The following SLC25A10 variants were observed in gnomAD, a reference collection of about 807,000 sequenced individuals.
SLC25A10 encodes the protein mitochondrial dicarboxylate carrier.
A neutral mutation model predicts 40.4 loss-of-function variants in SLC25A10; 32 were observed. The ratio of observed to expected loss-of-function variants is 0.79; its 90% confidence interval spans 0.60 to 1.06. The LOEUF (loss-of-function observed/expected upper bound fraction) is 1.06, where lower values mean the gene tolerates loss of function less well. SLC25A10 is among the 50% of genes least tolerant of loss of function. The pLI is 0.00. For synonymous variants in SLC25A10, 181 were observed against 171.1 expected, an observed-to-expected ratio of 1.06 and a Z score of -0.45; for missense variants, 394 against 402.6, an observed-to-expected ratio of 0.98 and a Z score of 0.18.
At position 81,715,704 on chromosome 17, in the gene SLC25A10, G is replaced by A; in HGVS notation, c.340G>A (p.Gly114Ser). The A allele has an allele frequency of 6.2e-7, 1 of 1,613,384 alleles. No individual in the cohort carries two copies. The highest frequency in any genetic ancestry group is 8.5e-7 in the Non-Finnish European group (1 of 1,179,944). The change falls in exon 4 of 11, where the codon GGC becomes AGC. Residue 114 changes from glycine (G) to serine (S), a missense_variant. Coordinates refer to ENST00000350690, the MANE Select transcript of SLC25A10 (RefSeq NM_012140.5). ...TTGTGTCACCGCAGGTTTAGCTGGA[G>A]GCTTCGTGGGGACGCCCGCAGACTT... ...LLGSVSGLAGGFVGTPADLVN... is the reference protein window; with the variant it reads ...LLGSVSGLAGSFVGTPADLVN...
At chr17:81,718,726 G>A (rs1032204341) in intron 9 of SLC25A10, among the ~76,000 whole-genome samples, 1 of 151,244 alleles carries the variant, frequency 6.6e-6, no homozygotes, top group Non-Finnish European at 1.5e-5. Context: ...AAGGCGGGCA[G>A]ATCACAAGTC....
intron 5 of SLC25A10, among the ~76,000 whole-genome samples, chr17:81,716,500 T>C (rs1440171825): frequency 3.9e-5 from 6 of 152,102 alleles, no homozygotes; most frequent in Non-Finnish European, 7.4e-5. Context: ...AGTTCTGGCT[T>C]CTAGCTGTGC....
At position 81,720,217 on chromosome 17, in the gene SLC25A10, C is replaced by G. The variant is rs537250787; in HGVS notation, c.*140C>G. 6.8e-7 allele frequency: 1 copy of G among 1,464,406 alleles called. No homozygotes were observed. The highest frequency in any genetic ancestry group is 1.4e-5 in the African/African-American group (1 of 70,470). The allele number at this position is 1,464,406 out of a possible 1,614,324, so 90.7% of individuals were successfully genotyped here. A position where few individuals can be genotyped will look rare whatever the true frequency, so the allele number is the denominator to read the frequency against. ...TCCGCAGCAGGCCCCTGCTGTCCCC[C>G]CACCTGCTGGCTGAGCTCCTCCTGG... On this transcript the variant is annotated 3_prime_UTR_variant, in exon 11 of 11. Transcript: ENST00000350690.
At position 81,714,986 on chromosome 17, in the gene SLC25A10, C is replaced by T. The variant is rs865843296; in HGVS notation, c.127C>T (p.Arg43Cys). Residue 43 changes from arginine to cysteine, a missense_variant, in exon 2 of 11, where the codon CGC becomes TGC. By Grantham distance (180) the Arg-to-Cys change is radical. Coordinates refer to ENST00000350690, the MANE Select transcript of SLC25A10 (RefSeq NM_012140.5). Reference protein sequence around the residue: ...HLQTQQEVKLRMTGMALRVVR... With the variant: ...HLQTQQEVKLCMTGMALRVVR... ...GCAGACGCAGCAGGAGGTGAAGCTG[C>T]GCATGACGGGCATGGCGCTGCGGGT... is the stretch of plus-strand genomic sequence containing the variant. The T allele has an allele frequency of 6.2e-7, 1 of 1,609,526 alleles. No homozygotes were observed.
At chr17:81,717,172 C>A in intron 7 of SLC25A10, 100 bp downstream of exon 7, 1 of 1,346,752 alleles carries the variant, frequency 7.4e-7, no homozygotes, top group Non-Finnish European at 1.0e-6. Flanking sequence ...CAAAACCCTC[C>A]TGGGGAGCCA....
chr17:81,717,596 T>C lies in SLC25A10; in HGVS notation c.627+105T>C, dbSNP rs1396503278. 6.4e-6 allele frequency: 9 copies of C among 1,397,138 alleles called. No individual in the cohort carries two copies. In the African/African-American group the frequency reaches 1.3e-4, roughly 20 times the overall value. The allele number at this position is 1,397,138 out of a possible 1,614,324, so 86.5% of individuals were successfully genotyped here. A position where few individuals can be genotyped will look rare whatever the true frequency, so the allele number is the denominator to read the frequency against. The stretch of plus-strand genomic sequence containing the variant: ...GGGGGAGGCGGGGGCCTTGGGCATC[T>C]GGCAGTGCCCCCTGGGGCTCATAAG... On this transcript the variant is annotated intron_variant, in intron 8 of 10. Transcript: ENST00000350690.
chr17:81,717,212 G>C, intron 7 of SLC25A10, 140 bp downstream of exon 7: 1 of 1,092,320 alleles, frequency 9.2e-7, no homozygotes, highest in East Asian at 2.5e-5. Context: ...GCAGGGTGGG[G>C]GGCACGGGTG....
At chr17:81,715,663 G>A (rs772757177) in intron 3 of SLC25A10, 30 bp from the exon 4 acceptor site, 63 of 1,613,184 alleles carry the variant, frequency 3.9e-5, no homozygotes, top group Non-Finnish European at 5.1e-5. Flanking sequence ...GTGTCAGCAC[G>A]GCTCATCTCT....
At position 81,712,436 on chromosome 17, in the gene SLC25A10, G is replaced by A; in HGVS notation, c.10G>A (p.Glu4Lys). The A allele has an allele frequency of 2.3e-6, 3 of 1,305,090 alleles. No homozygotes were observed. Among genetic ancestry groups the A allele is most frequent in the Non-Finnish European group, 2.9e-6 (3 of 1,028,436 alleles). 80.8% of individuals were successfully genotyped at this position (1,305,090 alleles called of 1,614,324 possible). The part of the protein sequence containing the change: MAA[E>K]ARVSRWYFGG... ...TGGGCTCTCCTGGGCCATGGCAGCC[G>A]AGGCGCGCGTGTCGCGCTGGTACTT... The change falls in exon 1 of 11, where the codon GAG becomes AAG. Residue 4 changes from glutamate to lysine, a missense_variant. Coordinates refer to ENST00000350690, the MANE Select transcript of SLC25A10 (RefSeq NM_012140.5).
chr17:81,718,904 G>A (rs375860016), intron 9 of SLC25A10, among the ~76,000 whole-genome samples: 2 of 151,306 alleles, frequency 1.3e-5, no homozygotes, highest in South Asian at 2.1e-4. Context: ...AGCCGAGATT[G>A]CACCACTGCA....
chr17:81,713,177 C>G (rs1459572418), intron 1 of SLC25A10: 1 of 151,520 alleles, frequency 6.6e-6, no homozygotes, highest in African/African-American at 2.4e-5. Context: ...TTTCTCAGCA[C>G]GAGAAGCAGC....
chr17:81,717,701 G>A, intron 8 of SLC25A10, 83 bp from the exon 9 acceptor site: 2 of 1,505,148 alleles, frequency 1.3e-6, no homozygotes, highest in Middle Eastern at 2.2e-4. Context: ...TAGGAGTCAG[G>A]TGGAGGTTCT....
intron 1 of SLC25A10, chr17:81,713,306 G>C (rs1327546872): frequency 4.2e-6 from 1 of 238,948 alleles, no homozygotes; most frequent in Non-Finnish European, 6.8e-6. Context: ...TTGCCACAGA[G>C]AACAAAGAAG....
chr17:81,715,770 G>A, intron 4 of SLC25A10, 29 bp downstream of exon 4: 2 of 1,612,802 alleles, frequency 1.2e-6, no homozygotes, highest in Middle Eastern at 1.6e-4. Flanking sequence ...CACCTGCAAG[G>A]CCAGGGGCTT....
chr17:81,718,355 T>G (rs953602484), intron 9 of SLC25A10, among the ~76,000 whole-genome samples: 1 of 151,696 alleles, frequency 6.6e-6, no homozygotes, highest in African/African-American at 2.4e-5. Context: ...TGTGGTGGCG[T>G]GCGCCTGTAA....
At position 81,720,181 on chromosome 17, in the gene SLC25A10, G is replaced by A. The variant is rs1439621620; in HGVS notation, c.*104G>A. Reference sequence around the variant, plus strand: ...TGGGGCCACGACCTCCCTGGCCGTGGCCACCCGTCCTCCGCAGCAGGCCCC... The same window carrying A: ...TGGGGCCACGACCTCCCTGGCCGTGACCACCCGTCCTCCGCAGCAGGCCCC... On this transcript the variant is annotated 3_prime_UTR_variant, in exon 11 of 11. Transcript: ENST00000350690. 1 of 1,534,988 alleles carries A rather than the reference G, an allele frequency of 6.5e-7. No individual in the cohort carries two copies. The highest frequency in any genetic ancestry group is 1.4e-5 in the African/African-American group (1 of 72,980).
chr17:81,715,528 T>G lies in SLC25A10; in HGVS notation c.264T>G (p.Arg88=). 6.2e-7 allele frequency: 1 copy of G among 1,612,552 alleles called. No homozygotes were observed. Among genetic ancestry groups the G allele is most frequent in the African/African-American group, 1.3e-5 (1 of 74,926 alleles). Residue 88 remains arginine, a synonymous_variant, in exon 3 of 11, where the codon CGT becomes CGG. Coordinates refer to ENST00000350690, the MANE Select transcript of SLC25A10 (RefSeq NM_012140.5). The part of the protein sequence containing the change: ...RFAIYETVRD[R]VAKGSQGPLP... ...CCATCTACGAGACTGTGCGGGACCGTGTGGCCAAGGGCAGCCAGGGGCCTC... is the reference window on the plus strand; with the variant it reads ...CCATCTACGAGACTGTGCGGGACCGGGTGGCCAAGGGCAGCCAGGGGCCTC...
rs2037479682 is a variant in SLC25A10, at chr17:81,716,000, C to A, written c.378-9C>A. On this transcript the variant is annotated splice_polypyrimidine_tract_variant and intron_variant, in intron 4 of 10. Coordinates refer to ENST00000350690, the MANE Select transcript of SLC25A10 (RefSeq NM_012140.5). ...CGCCCGCCCCTCCCGCCACCTGCTT[C>A]TGTTTCAGGATGCAGAACGACGTGA... The A allele has an allele frequency of 1.3e-6, 2 of 1,577,460 alleles. No homozygotes were observed. Among genetic ancestry groups the A allele is most frequent in the Non-Finnish European group, 1.7e-6 (2 of 1,159,738 alleles).
intron 1 of SLC25A10, among the ~76,000 whole-genome samples, chr17:81,714,727 G>A (rs959463171): frequency 2.4e-4 from 37 of 152,244 alleles, no homozygotes; most frequent in Non-Finnish European, 4.1e-4. Flanking sequence ...CAGGTGGTAC[G>A]CGGGGCGCTC....
Sources: gnomAD v4.1 joint callset for allele counts (sites outside exome capture counted in the v4.1 genomes callset) on GRCh38, gnomAD v4.1.1 for gene constraint, MANE v1.5 for transcripts, NCBI Gene and HGNC (gene_info 2026-07-23, HGNC 2026-07-21) for gene names.